Variants in PMEPA1 observed in about 807,000 individuals in gnomAD.
PMEPA1 encodes the protein protein TMEPAI.
In PMEPA1, 11 loss-of-function variants were observed where a neutral mutation model predicts 23.0. The ratio of observed to expected loss-of-function variants is 0.48; its 90% CI spans 0.30 to 0.79. The LOEUF is 0.79. PMEPA1 is among the 30% of genes least tolerant of loss of function. The pLI is 0.06. For missense variants in PMEPA1, 377 were observed against 390.9 expected (o/e 0.96, Z 0.30); for synonymous variants, 204 against 166.4 (o/e 1.23, Z -1.74).
rs996241892 is a variant in PMEPA1, at chr20:57,650,135, C to T, written c.*1918G>A. ...GCCCACGTCTGTCAGCTGCCACCTT[C>T]GTAAAGCACACGTTTCACATGCATG... On this transcript the variant is annotated 3_prime_UTR_variant, in exon 4 of 4. Coordinates refer to ENST00000341744, the MANE Select transcript of PMEPA1 (RefSeq NM_020182.5). The T allele has an allele frequency of 6.7e-6, 1 of 149,636 alleles. No homozygotes were observed. Among genetic ancestry groups the T allele is most frequent in the African/African-American group, 2.6e-5 (1 of 38,942 alleles). 9.3% of individuals were successfully genotyped at this position (149,636 alleles called of 1,614,324 possible). A position where few individuals can be genotyped will look rare whatever the true frequency, so the allele number is the denominator to read the frequency against.
intron 1 of PMEPA1, among the ~76,000 whole-genome samples, chr20:57,667,556 C>T (rs2071511696): frequency 2.0e-5 from 3 of 152,198 alleles, no homozygotes; most frequent in African/African-American, 7.2e-5. Context: ...CCCCCCTCCA[C>T]CGCCACCCCA....
intron 1 of PMEPA1, chr20:57,699,869 C>T: frequency 2.6e-6 from 1 of 377,532 alleles, no homozygotes; most frequent in Non-Finnish European, 5.3e-6. Flanking sequence ...GTGGTGGACT[C>T]CAACAAGGGA....
chr20:57,679,472 A>C lies in PMEPA1; in HGVS notation c.110-19775T>G, dbSNP rs186146134. ...CAGTGTGACTCTCCAAACACGGCAC[A>C]CATCAGACCTGCTGGGGAAGCTCCT... is the stretch of plus-strand genomic sequence containing the variant. On this transcript the variant is annotated intron_variant, in intron 1 of 3. Coordinates refer to ENST00000341744, the MANE Select transcript of PMEPA1 (RefSeq NM_020182.5). Among the ~76,000 whole-genome samples the C allele has an allele frequency of 4.6e-5, 7 of 152,352 alleles. No homozygotes were observed. The East Asian group carries it at 1.4e-3, about 29-fold the overall frequency.
At chr20:57,675,951 C>A (rs1306647134) in intron 1 of PMEPA1, among the ~76,000 whole-genome samples, 1 of 152,136 alleles carries the variant, frequency 6.6e-6, no homozygotes, top group African/African-American at 2.4e-5. Context: ...GCCTCCCAGA[C>A]ATCAGCCGCC....
chr20:57,681,993 G>A (rs374662726), intron 1 of PMEPA1, among the ~76,000 whole-genome samples: 19 of 152,222 alleles, frequency 1.2e-4, no homozygotes, highest in South Asian at 8.3e-4. Flanking sequence ...TGACACTGTC[G>A]AATCTCCTCC....
intron 1 of PMEPA1, among the ~76,000 whole-genome samples, chr20:57,700,811 G>A (rs950735998): frequency 2.0e-5 from 3 of 152,034 alleles, no homozygotes; most frequent in African/African-American, 7.2e-5. Flanking sequence ...GCAGATCACC[G>A]GAGGTCAGGA....
At chr20:57,663,921 G>A (rs1218955243) in intron 1 of PMEPA1, among the ~76,000 whole-genome samples, 1 of 152,232 alleles carries the variant, frequency 6.6e-6, no homozygotes, top group Non-Finnish European at 1.5e-5. Flanking sequence ...GAGGAAGGCT[G>A]GTCAGGCACA....
chr20:57,666,644 C>T (rs950214565), intron 1 of PMEPA1, among the ~76,000 whole-genome samples: 1 of 152,188 alleles, frequency 6.6e-6, no homozygotes, highest in Admixed American at 6.5e-5. Context: ...AAGTGCCTGG[C>T]GTGTCGCCCC....
intron 1 of PMEPA1, among the ~76,000 whole-genome samples, chr20:57,701,690 T>C (rs921299588): frequency 2.0e-5 from 3 of 152,158 alleles, no homozygotes; most frequent in African/African-American, 7.2e-5. Context: ...ATAGAACAGA[T>C]GTCATTCTTC....
intron 1 of PMEPA1, among the ~76,000 whole-genome samples, chr20:57,668,176 G>A (rs984386497): frequency 6.6e-5 from 10 of 152,308 alleles, no homozygotes; most frequent in African/African-American, 1.9e-4. Flanking sequence ...GGGACGCTGA[G>A]AGGGGACAAG....
rs148736063 is a variant in PMEPA1 at position 57,699,286 on chromosome 20, C to T, written c.109+10188G>A. On this transcript the variant is annotated intron_variant, in intron 1 of 3. Coordinates refer to ENST00000341744, the MANE Select transcript of PMEPA1 (RefSeq NM_020182.5). ...TCTCGGGCAGCCATCCTGCTTACCA[C>T]CAATCCCTACTTACCATCGGCACCA... Among the ~76,000 whole-genome samples, 121 of 152,344 alleles carry T rather than the reference C, an allele frequency of 7.9e-4. 4 individuals carry two copies. The East Asian group carries it at 0.021, about 27-fold the overall frequency.
chr20:57,664,613 C>T (rs972721527), intron 1 of PMEPA1, among the ~76,000 whole-genome samples: 6 of 149,744 alleles, frequency 4.0e-5, no homozygotes, highest in Non-Finnish European at 8.8e-5. Flanking sequence ...CATTCCCAGT[C>T]GCAGCTTGAG....
chr20:57,688,992 G>A (rs972005117), intron 1 of PMEPA1, among the ~76,000 whole-genome samples: 9 of 152,212 alleles, frequency 5.9e-5, no homozygotes, highest in East Asian at 3.9e-4. Context: ...TTCGATCCCC[G>A]CTGGCAGCCC....
In PMEPA1 at chr20:57,683,181, AAAG is replaced by A. The variant is rs1244906211; in HGVS notation, c.110-23487_110-23485del. 3.3e-5 allele frequency among the ~76,000 whole-genome samples: 5 copies of A among 152,194 alleles called. No homozygotes were observed. Among genetic ancestry groups the A allele is most frequent in the African/African-American group, 1.2e-4 (5 of 41,442 alleles). On this transcript the variant is annotated intron_variant, in intron 1 of 3. Coordinates refer to ENST00000341744, the MANE Select transcript of PMEPA1 (RefSeq NM_020182.5). This position sits in a 1 kb window ranked among gnomAD's most constrained non-coding sequence, Gnocchi z 4.3. ...ATCCCCCACTGCTTTTTAAAAAGAA[AAAG>A]AAGGCCAGGAGACACGCGATCAATT...
chr20:57,652,218 G>T lies in PMEPA1; in HGVS notation c.699C>A (p.Ser233Arg). 1 of 1,608,788 alleles carries T rather than the reference G, an allele frequency of 6.2e-7. No homozygotes were observed. The change falls in exon 4 of 4, where the codon AGC (serine) becomes AGA (arginine). Residue 233 changes from serine to arginine, a missense_variant. Coordinates refer to ENST00000341744, the MANE Select transcript of PMEPA1 (RefSeq NM_020182.5). The surrounding 1 kb of genome is among the most constrained non-coding windows in gnomAD (Gnocchi z 6.1). Reference protein sequence around the residue: ...GRMEGPPPTYSEVIGHYPGSS... With the variant: ...GRMEGPPPTYREVIGHYPGSS... Reference sequence around the variant, plus strand: ...ACCCCGGGTAGTGGCCGATGACCTCGCTGTAGGTGGGCGGCGGCCCCTCCA... The same window carrying T: ...ACCCCGGGTAGTGGCCGATGACCTCTCTGTAGGTGGGCGGCGGCCCCTCCA...
chr20:57,695,553 G>A (rs1235055573), intron 1 of PMEPA1, among the ~76,000 whole-genome samples: 1 of 152,230 alleles, frequency 6.6e-6, no homozygotes, highest in South Asian at 2.1e-4. Flanking sequence ...TAATCTTTGG[G>A]AGGCTGAAGC....
intron 1 of PMEPA1, among the ~76,000 whole-genome samples, chr20:57,694,447 G>A (rs1327984566): frequency 1.3e-5 from 2 of 152,226 alleles, no homozygotes; most frequent in Non-Finnish European, 2.9e-5. Context: ...ATTCACATGA[G>A]TACGGAACTA....
At chr20:57,662,382 C>T (rs574426988) in intron 1 of PMEPA1, among the ~76,000 whole-genome samples, 105 of 152,286 alleles carry the variant, frequency 6.9e-4, no homozygotes, top group Admixed American at 3.3e-3. Context: ...GTGATTGCCT[C>T]GAGAAGTCCA....
intron 1 of PMEPA1, among the ~76,000 whole-genome samples, chr20:57,689,568 C>T (rs898985162): frequency 2.0e-5 from 3 of 152,200 alleles, no homozygotes; most frequent in East Asian, 3.8e-4. Flanking sequence ...AAATGAAACT[C>T]GGGGAATCCT....
Sources: allele counts gnomAD v4.1 joint callset (sites outside exome capture counted in the v4.1 genomes callset), GRCh38; gene constraint gnomAD v4.1.1; non-coding constraint Gnocchi (gnomAD v3.1); transcripts MANE v1.5; gene names NCBI Gene and HGNC (gene_info 2026-07-23, HGNC 2026-07-21).